Variants in KSR2 observed in about 807,000 individuals in gnomAD.
KSR2 encodes kinase suppressor of ras 2.
A neutral mutation model predicts 107.8 loss-of-function variants in KSR2; 25 were observed. That is an observed-to-expected ratio of 0.23 (90% CI 0.17 to 0.32). KSR2 has a LOEUF of 0.32. Ranked by LOEUF, KSR2 falls within the 10% of genes least tolerant of loss-of-function variation. KSR2 has a pLI of 1.00. For synonymous variants in KSR2, 480 were observed against 507.0 expected (o/e 0.95, Z 0.71); for missense variants, 887 against 1,268.9 (o/e 0.70, Z 4.57).
At chr12:117,902,516 A>T (rs1292785173) in intron 1 of KSR2, among the ~76,000 whole-genome samples, 2 of 151,216 alleles carry the variant, frequency 1.3e-5, no homozygotes, top group African/African-American at 4.9e-5. Flanking sequence ...AAAAAAAAAA[A>T]AATGAGAATT....
chr12:117,467,224 GGA>G lies in KSR2; in HGVS notation c.2847-21_2847-20del. 1.4e-6 allele frequency: 1 copy of G among 732,486 alleles called. No homozygotes were observed. The highest frequency in any genetic ancestry group is 2.5e-6 in the Non-Finnish European group (1 of 397,698). 45.4% of individuals were successfully genotyped at this position (732,486 alleles called of 1,614,324 possible). A position where few individuals can be genotyped will look rare whatever the true frequency, so the allele number is the denominator to read the frequency against. On this transcript the variant is annotated intron_variant, in intron 19 of 19. Coordinates refer to ENST00000339824, the MANE Select transcript of KSR2 (RefSeq NM_173598.6). ...TCACAGCCTGGAGTGGGGAGAGAAGGGAGAGAGTGGTGAGAGGTCACAAGGAC... is the reference window on the plus strand; with the variant it reads ...TCACAGCCTGGAGTGGGGAGAGAAGGGAGAGTGGTGAGAGGTCACAAGGAC...
intron 17 of KSR2, among the ~76,000 whole-genome samples, chr12:117,476,242 C>T (rs1324178432): frequency 6.6e-6 from 1 of 152,232 alleles, no homozygotes; most frequent in African/African-American, 2.4e-5. Flanking sequence ...AGTTGGGTAA[C>T]TTGTTAAGGC....
At chr12:117,529,594 G>T (rs1364166587) in intron 12 of KSR2, among the ~76,000 whole-genome samples, 2 of 152,142 alleles carry the variant, frequency 1.3e-5, no homozygotes, top group Non-Finnish European at 2.9e-5. Flanking sequence ...TATGCACAAA[G>T]ATGTTCATTG....
chr12:117,793,325 ACATGCACACATACACACCAG>A (rs1390513512), intron 3 of KSR2, among the ~76,000 whole-genome samples: 3 of 141,414 alleles, frequency 2.1e-5, no homozygotes, highest in Non-Finnish European at 4.5e-5. Context: ...CCTCACACCA[ACATGCACACATACACACCAG>A]CATGCACACA....
intron 2 of KSR2, among the ~76,000 whole-genome samples, chr12:117,856,715 G>A (rs1468749742): frequency 6.6e-6 from 1 of 152,074 alleles, no homozygotes; most frequent in Non-Finnish European, 1.5e-5. Context: ...GACCTCAGGT[G>A]ATCTGCCCAC....
chr12:117,812,825 A>G (rs1015848217), intron 3 of KSR2, among the ~76,000 whole-genome samples: 1 of 143,488 alleles, frequency 7.0e-6, no homozygotes, highest in Non-Finnish European at 1.5e-5. Context: ...GTGGAACCAC[A>G]AAAGACCCCA....
intron 1 of KSR2, among the ~76,000 whole-genome samples, chr12:117,933,928 G>A (rs1290538796): frequency 6.6e-6 from 1 of 152,160 alleles, no homozygotes; most frequent in Non-Finnish European, 1.5e-5. Flanking sequence ...CCTCTTAAAT[G>A]GGAGGGCAGA....
chr12:117,595,519 C>T (rs558225771), intron 5 of KSR2, among the ~76,000 whole-genome samples: 172 of 152,038 alleles, frequency 1.1e-3, no homozygotes, highest in Middle Eastern at 6.8e-3. Context: ...CGCCCGCCAC[C>T]GCGCCCGGCT....
intron 2 of KSR2, among the ~76,000 whole-genome samples, chr12:117,856,630 C>T (rs772895969): frequency 8.5e-5 from 13 of 152,120 alleles, no homozygotes; most frequent in Non-Finnish European, 1.8e-4. Flanking sequence ...CCACTCACCA[C>T]CACGCCTGGC....
At chr12:117,791,315 C>T (rs1890243800) in intron 3 of KSR2, among the ~76,000 whole-genome samples, 1 of 152,192 alleles carries the variant, frequency 6.6e-6, no homozygotes, top group Non-Finnish European at 1.5e-5. Context: ...CCTTGACCTC[C>T]CAGTCACTCC....
At chr12:117,739,519 T>C (rs1888092035) in intron 4 of KSR2, among the ~76,000 whole-genome samples, 1 of 152,152 alleles carries the variant, frequency 6.6e-6, no homozygotes, top group African/African-American at 2.4e-5. Context: ...ATGCAGTGCA[T>C]GAGTACAATT....
At chr12:117,735,910 T>C (rs181602436) in intron 4 of KSR2, among the ~76,000 whole-genome samples, 3 of 152,300 alleles carry the variant, frequency 2.0e-5, no homozygotes, top group East Asian at 3.9e-4. Context: ...TGGGAAAGGA[T>C]AGAAATAAGA....
In KSR2 at chr12:117,558,068, A is replaced by G. The variant is rs569565662; in HGVS notation, c.1393+438T>C. On this transcript the variant is annotated intron_variant, in intron 8 of 19. Transcript: ENST00000339824. ...CAGGAGATGGGACACAAATGGCCCAATCCAGCAGACCCAAGACATACCCCT... is the reference window on the plus strand; with the variant it reads ...CAGGAGATGGGACACAAATGGCCCAGTCCAGCAGACCCAAGACATACCCCT... Among the ~76,000 whole-genome samples the G allele has an allele frequency of 2.6e-5, 4 of 152,288 alleles. No homozygotes were observed. The South Asian group carries it at 8.3e-4, about 32-fold the overall frequency.
chr12:117,498,164 C>G (rs1331841831), intron 14 of KSR2, among the ~76,000 whole-genome samples: 1 of 152,120 alleles, frequency 6.6e-6, no homozygotes, highest in Non-Finnish European at 1.5e-5. Flanking sequence ...CACCTCTTTT[C>G]AGGATTTCAT....
chr12:117,763,007 A>G (rs773425824), intron 3 of KSR2, among the ~76,000 whole-genome samples: 54 of 152,270 alleles, frequency 3.5e-4, no homozygotes, highest in Non-Finnish European at 6.6e-4. Flanking sequence ...GTCATTTAAC[A>G]TTAGGTATAT....
intron 4 of KSR2, among the ~76,000 whole-genome samples, chr12:117,731,609 G>A (rs1481506549): frequency 6.6e-6 from 1 of 152,160 alleles, no homozygotes; most frequent in Non-Finnish European, 1.5e-5. Context: ...GGAAATGTGG[G>A]GAAAAGAAAG....
chr12:117,905,988 G>T (rs1051470704), intron 1 of KSR2, among the ~76,000 whole-genome samples: 3 of 151,774 alleles, frequency 2.0e-5, no homozygotes, highest in Admixed American at 6.6e-5. Flanking sequence ...ACAAATATTT[G>T]TTGGGTGCCA....
intron 1 of KSR2, among the ~76,000 whole-genome samples, chr12:117,915,964 A>G (rs1895158686): frequency 6.6e-6 from 1 of 151,874 alleles, no homozygotes; most frequent in Non-Finnish European, 1.5e-5. Context: ...AAAACTAGCA[A>G]ATCATTCTAC....
chr12:117,645,200 A>G (rs563200008), intron 5 of KSR2, among the ~76,000 whole-genome samples: 8 of 152,234 alleles, frequency 5.3e-5, no homozygotes, highest in Non-Finnish European at 8.8e-5. Context: ...CACAAGGAGA[A>G]AAACAAGGCT....
Sources: gnomAD v4.1 joint callset for allele counts (sites outside exome capture counted in the v4.1 genomes callset) on GRCh38, gnomAD v4.1.1 for gene constraint, MANE v1.5 for transcripts, NCBI Gene and HGNC (gene_info 2026-07-23, HGNC 2026-07-21) for gene names.